Variants in NEK11 observed in about 807,000 individuals in gnomAD.
NEK11 encodes the protein serine/threonine-protein kinase Nek11.
In NEK11, 72 loss-of-function variants were observed where a neutral mutation model predicts 80.7. The ratio of observed to expected loss-of-function variants is 0.89; its 90% confidence interval spans 0.74 to 1.08. The LOEUF is 1.08. Among genes scored for constraint, NEK11 ranks in the 50% least tolerant of loss-of-function variants. The probability of loss-of-function intolerance (pLI) is 0.00; values close to 1 mark genes in which losing one functional copy is unlikely to be tolerated. For missense variants in NEK11, 764 were observed against 763.6 expected (o/e 1.00, Z -0.01); for synonymous variants, 251 against 260.7 (o/e 0.96, Z 0.36).
At chr3:131,201,870 T>C (rs1204949674) in intron 14 of NEK11, among the ~76,000 whole-genome samples, 3 of 152,222 alleles carry the variant, frequency 2.0e-5, no homozygotes, top group Admixed American at 6.5e-5. Flanking sequence ...AGTCTCGTTC[T>C]GTCGCCCAGG....
chr3:131,238,101 T>G (rs1420294974), intron 15 of NEK11, among the ~76,000 whole-genome samples: 1 of 152,176 alleles, frequency 6.6e-6, no homozygotes. Context: ...GAGCCTTGAA[T>G]GCTCTTCCCA....
At chr3:131,109,948 A>G in intron 5 of NEK11, 27 bp downstream of exon 5, 16 of 1,564,948 alleles carry the variant, frequency 1.0e-5, no homozygotes, top group Non-Finnish European at 1.4e-5. Context: ...CTGGGGGAGC[A>G]TGATATATTT....
At chr3:131,086,247 T>C (rs1451139673) in intron 4 of NEK11, among the ~76,000 whole-genome samples, 1 of 152,206 alleles carries the variant, frequency 6.6e-6, no homozygotes, top group Non-Finnish European at 1.5e-5. Flanking sequence ...CTATTAATAA[T>C]AGCCTGTTTC....
At chr3:131,118,651 C>T (rs961596312) in intron 5 of NEK11, among the ~76,000 whole-genome samples, 1 of 152,052 alleles carries the variant, frequency 6.6e-6, no homozygotes, top group South Asian at 2.1e-4. Flanking sequence ...AATTTCAGAG[C>T]CTGTTATTAG....
intron 5 of NEK11, among the ~76,000 whole-genome samples, chr3:131,131,076 A>G (rs1214813937): frequency 6.6e-6 from 1 of 152,228 alleles, no homozygotes; most frequent in East Asian, 1.9e-4. Context: ...TGCTTGGACC[A>G]CAGGAATGAG....
intron 14 of NEK11, among the ~76,000 whole-genome samples, chr3:131,182,158 A>G (rs1314670843): frequency 2.6e-5 from 4 of 151,744 alleles, no homozygotes; most frequent in Non-Finnish European, 5.9e-5. Context: ...AAAAAAGAAA[A>G]GAAAAAAGAA....
intron 17 of NEK11, among the ~76,000 whole-genome samples, chr3:131,294,838 A>G (rs529374331): frequency 6.6e-6 from 1 of 152,136 alleles, no homozygotes; most frequent in Non-Finnish European, 1.5e-5. Flanking sequence ...GCCTTTATTT[A>G]TCCCTCATAG....
At chr3:131,223,239 GT>G (rs887446015) in intron 14 of NEK11, among the ~76,000 whole-genome samples, 1 of 151,932 alleles carries the variant, frequency 6.6e-6, no homozygotes, top group African/African-American at 2.4e-5. Context: ...ACGGACTTAC[GT>G]TTTTTTTGAC....
intron 16 of NEK11, among the ~76,000 whole-genome samples, chr3:131,255,079 G>GAAAGAAA (rs1553966478): frequency 1.7e-5 from 2 of 119,186 alleles, no homozygotes; most frequent in African/African-American, 3.2e-5. Context: ...ACAGAAAGAA[G>GAAAGAAA]GAAAGAAAGA....
chr3:131,036,502 T>C (rs1185918797), intron 3 of NEK11, among the ~76,000 whole-genome samples: 1 of 152,224 alleles, frequency 6.6e-6, no homozygotes, highest in Non-Finnish European at 1.5e-5. Flanking sequence ...ACTTACATAA[T>C]CATAAATAAT....
chr3:131,195,646 C>T (rs1416842718), intron 14 of NEK11, among the ~76,000 whole-genome samples: 2 of 152,002 alleles, frequency 1.3e-5, no homozygotes, highest in African/African-American at 4.8e-5. Context: ...TGCACAACAT[C>T]AGGGACCTCC....
At chr3:131,180,719 T>C (rs149245163) in intron 14 of NEK11, among the ~76,000 whole-genome samples, 181 of 152,326 alleles carry the variant, frequency 1.2e-3, no homozygotes, top group African/African-American at 4.2e-3. Flanking sequence ...TGAATCATTA[T>C]ATTATATATC....
chr3:131,260,265 T>G lies in NEK11; in HGVS notation c.1622-13213T>G, dbSNP rs114607030. On this transcript the variant is annotated intron_variant, in intron 16 of 17. Coordinates refer to ENST00000383366, the MANE Select transcript of NEK11 (RefSeq NM_024800.5). The stretch of plus-strand genomic sequence containing the variant: ...TTCTATGGGATGTTAGAGCACTCAT[T>G]TGGGAGTCAGGAAACCACAGTTCTA... Among the ~76,000 whole-genome samples the G allele has an allele frequency of 9.5e-3, 1,451 of 152,216 alleles. 32 individuals carry two copies. Among genetic ancestry groups the G allele is most frequent in the African/African-American group, 0.033 (1,362 of 41,534 alleles).
At chr3:131,041,398 G>C (rs1379444048) in intron 3 of NEK11, among the ~76,000 whole-genome samples, 1 of 152,124 alleles carries the variant, frequency 6.6e-6, no homozygotes, top group Non-Finnish European at 1.5e-5. Context: ...AACTTGCAGG[G>C]AGTAAGTACA....
intron 5 of NEK11, among the ~76,000 whole-genome samples, chr3:131,125,940 A>C (rs1046685969): frequency 6.6e-6 from 1 of 152,220 alleles, no homozygotes; most frequent in East Asian, 1.9e-4. Flanking sequence ...TGTAGACTCT[A>C]TTCTGGAAGC....
chr3:131,171,413 C>T (rs534118691), intron 14 of NEK11, among the ~76,000 whole-genome samples: 9 of 152,260 alleles, frequency 5.9e-5, no homozygotes, highest in South Asian at 2.1e-4. Flanking sequence ...ACACAGCAAA[C>T]GAGTACACTT....
chr3:131,165,846 A>C lies in NEK11; in HGVS notation c.1176+327A>C, dbSNP rs1243841285. ...GTGTGTATATCTAATTTTTAATTCC[A>C]CCCATGCTATTGTTGCTTTACCTCT... is the stretch of plus-strand genomic sequence containing the variant. On this transcript the variant is annotated intron_variant, in intron 12 of 17. Coordinates refer to ENST00000383366, the MANE Select transcript of NEK11 (RefSeq NM_024800.5). 4.6e-5 allele frequency among the ~76,000 whole-genome samples: 7 copies of C among 152,278 alleles called. No individual in the cohort carries two copies. The South Asian group carries it at 1.4e-3, about 32-fold the overall frequency.
chr3:131,325,978 GACA>G (rs2096961242), intron 17 of NEK11: 2 of 152,142 alleles, frequency 1.3e-5, no homozygotes, highest in Non-Finnish European at 2.9e-5. Flanking sequence ...AGGTGGTCTA[GACA>G]ACAAGAGAAA....
intron 16 of NEK11, among the ~76,000 whole-genome samples, chr3:131,267,136 C>G (rs1461984771): frequency 6.6e-6 from 1 of 152,158 alleles, no homozygotes; most frequent in Non-Finnish European, 1.5e-5. Flanking sequence ...TCTTGACTCT[C>G]TATCCAATTT....
Sources: allele counts gnomAD v4.1 joint callset (sites outside exome capture counted in the v4.1 genomes callset), GRCh38; gene constraint gnomAD v4.1.1; transcripts MANE v1.5; gene names NCBI Gene and HGNC (gene_info 2026-07-23, HGNC 2026-07-21).